The following ATP6V0D2 variants were observed in gnomAD, a reference collection of about 807,000 sequenced individuals.
The protein encoded by ATP6V0D2 is ATPase H+ transporting V0 subunit d2.
Under a neutral mutation model 40.0 loss-of-function variants are expected in ATP6V0D2, and 40 were observed. That is an observed-to-expected ratio of 1.00 (90% CI 0.78 to 1.30). ATP6V0D2 has a LOEUF of 1.30. ATP6V0D2 is among the 50% of genes most tolerant of loss of function. ATP6V0D2 has a pLI of 0.00. For synonymous variants in ATP6V0D2, 179 were observed against 156.3 expected (o/e 1.15, Z -1.08); for missense variants, 470 against 423.1 (o/e 1.11, Z -0.97).
chr8:86,132,117 C>T (rs1818833402), intron 2 of ATP6V0D2, among the ~76,000 whole-genome samples: 1 of 152,154 alleles, frequency 6.6e-6, no homozygotes, highest in Admixed American at 6.5e-5. Flanking sequence ...CCTTTTACAC[C>T]ATACTATGAT....
intron 1 of ATP6V0D2, among the ~76,000 whole-genome samples, chr8:86,106,907 A>G (rs186746732): frequency 1.1e-4 from 17 of 152,224 alleles, no homozygotes; most frequent in Admixed American, 9.8e-4. Flanking sequence ...GCAGTGGCTC[A>G]TGTTTGTAAT....
intron 2 of ATP6V0D2, among the ~76,000 whole-genome samples, chr8:86,133,080 T>C (rs1235608300): frequency 4.6e-5 from 7 of 152,140 alleles, no homozygotes; most frequent in South Asian, 4.1e-4. Flanking sequence ...TGGAGGACAC[T>C]AATGACTAAA....
intron 2 of ATP6V0D2, among the ~76,000 whole-genome samples, chr8:86,116,614 CA>C (rs1467267676): frequency 2.0e-5 from 3 of 152,074 alleles, no homozygotes; most frequent in African/African-American, 7.2e-5. Context: ...TTTCCGCTTA[CA>C]AAAAAATTTG....
chr8:86,144,195 T>C lies in ATP6V0D2; in HGVS notation c.639+1241T>C, dbSNP rs1433470469. Among the ~76,000 whole-genome samples the C allele has an allele frequency of 2.6e-5, 4 of 152,206 alleles. No homozygotes were observed. In the East Asian group the frequency reaches 7.7e-4, roughly 29 times the overall value. On this transcript the variant is annotated intron_variant, in intron 5 of 7. Coordinates refer to ENST00000285393, the MANE Select transcript of ATP6V0D2 (RefSeq NM_152565.1). ...ATAAGAATGTTGACCTGCATATGCA[T>C]GGGAGATTCAGGGCAGAGATCAGAA...
chr8:86,138,252 C>G (rs769796197), intron 2 of ATP6V0D2, among the ~76,000 whole-genome samples: 2 of 152,226 alleles, frequency 1.3e-5, no homozygotes, highest in Non-Finnish European at 2.9e-5. Context: ...TCTACTAATT[C>G]TTCAAGTTTC....
rs1818992959 is a variant in ATP6V0D2 at position 86,142,777 on chromosome 8, T to G, written c.562-100T>G. The stretch of plus-strand genomic sequence containing the variant: ...CTTCCTATGGGAGATGTAATTCAGA[T>G]TCCATTAAAGCATTTAATAAACCAT... On this transcript the variant is annotated intron_variant, in intron 4 of 7. Coordinates refer to ENST00000285393, the MANE Select transcript of ATP6V0D2 (RefSeq NM_152565.1). 14 of 687,472 alleles carry G rather than the reference T, an allele frequency of 2.0e-5. No homozygotes were observed. The South Asian group carries it at 3.2e-4, about 15-fold the overall frequency. 42.6% of individuals were successfully genotyped at this position (687,472 alleles called of 1,614,324 possible). A position where few individuals can be genotyped will look rare whatever the true frequency, so the allele number is the denominator to read the frequency against.
At chr8:86,102,849 T>C (rs984060149) in intron 1 of ATP6V0D2, among the ~76,000 whole-genome samples, 1 of 152,132 alleles carries the variant, frequency 6.6e-6, no homozygotes, top group Admixed American at 6.6e-5. Context: ...TGCTTTAAAG[T>C]TGTATCTATA....
At chr8:86,134,382 G>A (rs1818868569) in intron 2 of ATP6V0D2, among the ~76,000 whole-genome samples, 2 of 152,044 alleles carry the variant, frequency 1.3e-5, no homozygotes, top group Admixed American at 1.3e-4. Flanking sequence ...AAAAAGAAAG[G>A]ACAACAGAAA....
At chr8:86,119,391 G>A (rs1171193059) in intron 2 of ATP6V0D2, among the ~76,000 whole-genome samples, 1 of 152,038 alleles carries the variant, frequency 6.6e-6, no homozygotes, top group South Asian at 2.1e-4. Context: ...ACCGTACCCA[G>A]CTAATTTTTG....
chr8:86,142,156 G>T (rs754426286), intron 4 of ATP6V0D2, among the ~76,000 whole-genome samples: 5 of 152,156 alleles, frequency 3.3e-5, no homozygotes, highest in South Asian at 2.1e-4. Flanking sequence ...AACATATATG[G>T]CATGCTGTGT....
At chr8:86,119,425 C>A (rs768504965) in intron 2 of ATP6V0D2, among the ~76,000 whole-genome samples, 1 of 151,940 alleles carries the variant, frequency 6.6e-6, no homozygotes, top group Non-Finnish European at 1.5e-5. Flanking sequence ...GATGAGGTTT[C>A]GCCATGTTAG....
At chr8:86,133,648 G>A (rs1818858957) in intron 2 of ATP6V0D2, among the ~76,000 whole-genome samples, 1 of 151,878 alleles carries the variant, frequency 6.6e-6, no homozygotes, top group African/African-American at 2.4e-5. Context: ...AGATAATAAT[G>A]GCTCTACTCT....
chr8:86,152,458 C>T (rs1391441073), intron 7 of ATP6V0D2, among the ~76,000 whole-genome samples: 2 of 152,182 alleles, frequency 1.3e-5, no homozygotes, highest in Non-Finnish European at 2.9e-5. Flanking sequence ...ATCGCTGGGT[C>T]AAATGATATT....
At chr8:86,150,502 A>T (rs1321945809) in intron 6 of ATP6V0D2, among the ~76,000 whole-genome samples, 1 of 151,374 alleles carries the variant, frequency 6.6e-6, no homozygotes, top group Non-Finnish European at 1.5e-5. Context: ...CCAAGCAAGT[A>T]CTTGTTTAAA....
intron 1 of ATP6V0D2, among the ~76,000 whole-genome samples, chr8:86,109,197 C>A (rs931376737): frequency 6.6e-6 from 1 of 152,066 alleles, no homozygotes; most frequent in Non-Finnish European, 1.5e-5. Context: ...GTAGTAAAGG[C>A]TTTTAATTCC....
chr8:86,147,233 G>T (rs1276458611), intron 5 of ATP6V0D2, among the ~76,000 whole-genome samples: 1 of 152,072 alleles, frequency 6.6e-6, no homozygotes, highest in Non-Finnish European at 1.5e-5. Context: ...ACTGCCTCCT[G>T]CCAGGTGCAC....
chr8:86,144,944 T>TG (rs1280407944), intron 5 of ATP6V0D2, among the ~76,000 whole-genome samples: 1 of 149,680 alleles, frequency 6.7e-6, no homozygotes, highest in Non-Finnish European at 1.5e-5. Context: ...CACCTGAGGT[T>TG]GGGAGTTCGA....
intron 2 of ATP6V0D2, among the ~76,000 whole-genome samples, chr8:86,121,249 G>A (rs1818665160): frequency 6.6e-6 from 1 of 152,118 alleles, no homozygotes; most frequent in Non-Finnish European, 1.5e-5. Flanking sequence ...GTTGCTGTCT[G>A]TAGACCTTAG....
chr8:86,119,506 G>A (rs1040026681), intron 2 of ATP6V0D2, among the ~76,000 whole-genome samples: 7 of 152,090 alleles, frequency 4.6e-5, no homozygotes, highest in African/African-American at 1.7e-4. Flanking sequence ...TGGGATTACA[G>A]GCAGGAGCCA....
Sources: allele counts gnomAD v4.1 joint callset (sites outside exome capture counted in the v4.1 genomes callset), GRCh38; gene constraint gnomAD v4.1.1; transcripts MANE v1.5; gene names NCBI Gene and HGNC (gene_info 2026-07-23, HGNC 2026-07-21).